The following GSE1 variants were observed in gnomAD, a reference collection of about 807,000 sequenced individuals.
The protein encoded by GSE1 is Gse1 coiled-coil protein.
GSE1 carries 32 observed loss-of-function variants against 112.6 expected under a neutral mutation model. That is an observed-to-expected ratio of 0.28 (90% CI 0.21 to 0.38). GSE1 has a LOEUF of 0.38. Among genes scored for constraint, GSE1 ranks in the 10% least tolerant of loss-of-function variants. The pLI is 1.00. For synonymous variants in GSE1, 1,115 were observed against 735.6 expected (o/e 1.52, Z -8.35); for missense variants, 2,348 against 1,699.2 (o/e 1.38, Z -6.71).
upstream of GSE1, among the ~76,000 whole-genome samples, chr16:85,607,059 CTGGGG>C (rs986420114): frequency 1.5e-3 from 24 of 15,844 alleles, no homozygotes; most frequent in African/African-American, 6.0e-3. Context: ...ACTGGAGAGC[CTGGGG>C]TGGGGGGGGC....
At chr16:85,263,655 C>G (rs1470783576) in intron 1 of GSE1, among the ~76,000 whole-genome samples, 1 of 151,960 alleles carries the variant, frequency 6.6e-6, no homozygotes, top group Non-Finnish European at 1.5e-5. Flanking sequence ...TCACTGCAAC[C>G]TCTGCCTCCA....
rs1232837797 is a variant in GSE1, at chr16:85,614,066, G to T, written c.7+668G>T. ...TCTCCTCTCTCTCCCCCCACCCCCG[G>T]CGGAGCGGCTCCCTGCCCCTCCCCT... On this transcript the variant is annotated intron_variant, in intron 1 of 15. Transcript: ENST00000253458. 4.8e-4 allele frequency among the ~76,000 whole-genome samples: 58 copies of T among 120,856 alleles called. No individual in the cohort carries two copies. The East Asian group carries it at 0.013, about 28-fold the overall frequency. 79.3% of individuals were successfully genotyped at this position (120,856 alleles called of 152,430 possible).
rs1166572723 is a variant in GSE1 at position 85,656,658 on chromosome 16, C to T, written c.1305C>T (p.Thr435=). ...RGKPSEQLTP[T]RAEKLKDAGL... ...AGCCCTCGGAGCAGCTGACCCCAAC[C>T]CGAGCAGGTACCTGGGCGTGGGTGG... The change falls in exon 7 of 16, where the codon ACC becomes ACT. Residue 435 remains threonine (T), a synonymous_variant. Coordinates refer to ENST00000253458, the MANE Select transcript of GSE1 (RefSeq NM_014615.5). The T allele has an allele frequency of 3.3e-6, 5 of 1,516,802 alleles. No individual in the cohort carries two copies. The highest frequency in any genetic ancestry group is 2.8e-5 in the African/African-American group (2 of 72,190). The allele number at this position is 1,516,802 out of a possible 1,614,324, so 94.0% of individuals were successfully genotyped here. A position where few individuals can be genotyped will look rare whatever the true frequency, so the allele number is the denominator to read the frequency against.
intron 1 of GSE1, among the ~76,000 whole-genome samples, chr16:85,193,816 A>G (rs1780011466): frequency 6.6e-6 from 1 of 152,204 alleles, no homozygotes; most frequent in Non-Finnish European, 1.5e-5. Context: ...GTTGTGAGAA[A>G]TAATGAAGAG....
chr16:85,317,590 C>T (rs1318173248), intron 1 of GSE1, among the ~76,000 whole-genome samples: 3 of 152,160 alleles, frequency 2.0e-5, no homozygotes, highest in African/African-American at 7.2e-5. Flanking sequence ...TGCACAGCCC[C>T]CAAGGTCCCT....
intron 2 of GSE1, among the ~76,000 whole-genome samples, chr16:85,378,444 C>T (rs924595602): frequency 1.3e-5 from 2 of 152,134 alleles, no homozygotes; most frequent in Admixed American, 1.3e-4. Context: ...GGAAGCCTTT[C>T]ACTTAGGAGC....
At chr16:85,521,192 C>G (rs1217781551) in intron 2 of GSE1, among the ~76,000 whole-genome samples, 3 of 152,182 alleles carry the variant, frequency 2.0e-5, no homozygotes, top group African/African-American at 7.2e-5. Flanking sequence ...TTGATGTGGT[C>G]CCGGGGCAGG....
At chr16:85,514,714 T>C (rs2051868684) in intron 2 of GSE1, among the ~76,000 whole-genome samples, 2 of 152,090 alleles carry the variant, frequency 1.3e-5, no homozygotes, top group Non-Finnish European at 2.9e-5. Context: ...CAAGTCCAGA[T>C]CACACGTCCA....
At chr16:85,620,583 T>TG (rs1567663847) in intron 1 of GSE1, among the ~76,000 whole-genome samples, 2 of 152,234 alleles carry the variant, frequency 1.3e-5, no homozygotes, top group African/African-American at 4.8e-5. Context: ...CACGCGGTCG[T>TG]CTCTGCCGCC....
chr16:85,233,991 G>GC (rs1246218427), intron 1 of GSE1, among the ~76,000 whole-genome samples: 2 of 152,140 alleles, frequency 1.3e-5, no homozygotes, highest in Non-Finnish European at 2.9e-5. Context: ...CCCAGAACCA[G>GC]CCCCCCAGCC....
chr16:85,459,349 C>T (rs754906217), intron 2 of GSE1, among the ~76,000 whole-genome samples: 2 of 152,214 alleles, frequency 1.3e-5, no homozygotes, highest in African/African-American at 2.4e-5. Context: ...CAGGCAGACC[C>T]ATCCCGTGCC....
At chr16:85,246,705 T>C (rs1905881128) in intron 1 of GSE1, among the ~76,000 whole-genome samples, 1 of 147,884 alleles carries the variant, frequency 6.8e-6, no homozygotes, top group Non-Finnish European at 1.5e-5. Flanking sequence ...CCCAGAACCC[T>C]AGTGGACTAG....
chr16:85,398,656 G>A lies in GSE1; in HGVS notation c.2464+41013G>A, dbSNP rs575303286. On this transcript the variant is annotated intron_variant, in intron 2 of 2. Transcript: ENST00000637419. ...ACCTCAGTTTCCCCAGCTATAAAGT[G>A]GGATAGGTTAGGATCGAGGGGCTCA... Among the ~76,000 whole-genome samples the A allele has an allele frequency of 2.0e-5, 3 of 152,248 alleles. No individual in the cohort carries two copies. The South Asian group carries it at 6.2e-4, about 32-fold the overall frequency.
intron 1 of GSE1, among the ~76,000 whole-genome samples, chr16:85,189,692 C>T (rs1022116964): frequency 6.6e-5 from 10 of 152,214 alleles, no homozygotes; most frequent in Non-Finnish European, 7.3e-5. Flanking sequence ...TCTTGATGTA[C>T]TGACAATGAG....
chr16:85,237,431 A>G (rs527602018), intron 1 of GSE1, among the ~76,000 whole-genome samples: 1 of 152,200 alleles, frequency 6.6e-6, no homozygotes, highest in Non-Finnish European at 1.5e-5. Context: ...GGGACTGTTC[A>G]GTGACTGGAG....
chr16:85,493,648 G>T (rs1162888244), intron 2 of GSE1, among the ~76,000 whole-genome samples: 2 of 152,128 alleles, frequency 1.3e-5, no homozygotes, highest in Non-Finnish European at 2.9e-5. Flanking sequence ...AGCTACTTGG[G>T]AGGCTGAGGC....
At chr16:85,429,637 TCTC>T (rs1458702788) in intron 2 of GSE1, among the ~76,000 whole-genome samples, 1 of 152,074 alleles carries the variant, frequency 6.6e-6, no homozygotes, top group South Asian at 2.1e-4. Context: ...CCTCCCAAGA[TCTC>T]CCTTGCTGGC....
intron 3 of GSE1, among the ~76,000 whole-genome samples, chr16:85,650,113 C>G (rs1213834263): frequency 6.6e-6 from 1 of 152,192 alleles, no homozygotes; most frequent in Admixed American, 6.5e-5. Context: ...TTTGACTAAT[C>G]CTCATGTGAG....
At chr16:85,224,306 A>C (rs1402454059) in intron 1 of GSE1, among the ~76,000 whole-genome samples, 6 of 67,390 alleles carry the variant, frequency 8.9e-5, no homozygotes, top group Non-Finnish European at 1.1e-4. Context: ...AAATACAAAA[A>C]AAAAAAAAAA....
Sources: gnomAD v4.1 joint callset for allele counts (sites outside exome capture counted in the v4.1 genomes callset) on GRCh38, gnomAD v4.1.1 for gene constraint, MANE v1.5 for transcripts, NCBI Gene and HGNC (gene_info 2026-07-23, HGNC 2026-07-21) for gene names.